Variants in DBNL observed in about 807,000 individuals in gnomAD.
The protein encoded by DBNL is drebrin like, also known as drebrin-like protein.
A neutral mutation model predicts 62.2 loss-of-function variants in DBNL; 35 were observed. The observed-to-expected ratio is 0.56, with a 90% CI of 0.43 to 0.75. The LOEUF is 0.75. Ranked by LOEUF, DBNL falls within the 30% of genes least tolerant of loss-of-function variation. The pLI, the probability that DBNL is intolerant of heterozygous loss-of-function variation, is 0.00. For synonymous variants in DBNL, 197 were observed against 218.0 expected, an observed-to-expected ratio of 0.90 and a Z score of 0.85; for missense variants, 495 against 578.4, an observed-to-expected ratio of 0.86 and a Z score of 1.48.
Position 44,065,736 on chromosome 7 carries a change from C to T in DBNL, c.*4820C>T. On this transcript the variant is annotated 3_prime_UTR_variant, in exon 13 of 13. Transcript: ENST00000448521. ...CCAAGAGGCTGTGCTTAAAATAGCCCCACGCATCCACCAGCTCCTGGCCTG... is the reference window on the plus strand; with the variant it reads ...CCAAGAGGCTGTGCTTAAAATAGCCTCACGCATCCACCAGCTCCTGGCCTG... 1 of 614,432 alleles carries T rather than the reference C, an allele frequency of 1.6e-6. No individual in the cohort carries two copies. The allele number at this position is 614,432 out of a possible 1,614,324, so 38.1% of individuals were successfully genotyped here.
intron 4 of DBNL, 116 bp downstream of exon 4, chr7:44,053,057 C>T: frequency 7.7e-7 from 1 of 1,306,724 alleles, no homozygotes; most frequent in Non-Finnish European, 1.1e-6. Flanking sequence ...GTGCTCATAG[C>T]TAATGCTCTC....
chr7:44,056,821 A>G lies in DBNL; in HGVS notation c.392A>G (p.Lys131Arg). ...EDVEPECIMEKVAKASGANYS... is the reference protein window; with the variant it reads ...EDVEPECIMERVAKASGANYS... ...GTGGAGCCTGAGTGCATCATGGAGA[A>G]GGTGGCCAAGGCTTCAGGTGCCAAC... The change falls in exon 5 of 13, where the codon AAG (lysine) becomes AGG (arginine). Residue 131 changes from lysine (K) to arginine (R), a missense_variant. Lys to Arg is a conservative substitution (Grantham distance 26, BLOSUM62 2). Coordinates refer to ENST00000448521, the MANE Select transcript of DBNL (RefSeq NM_001014436.3). The G allele has an allele frequency of 6.2e-7, 1 of 1,614,076 alleles. No homozygotes were observed. Among genetic ancestry groups the G allele is most frequent in the African/African-American group, 1.3e-5 (1 of 75,018 alleles).
Position 44,059,747 on chromosome 7 carries a change from C to CA in DBNL, c.1047+91dup, listed in dbSNP as rs1291845748. ...GCCGCCTGAGTTTTCTGGGGGCATGCAACAGGTTTTAAAGCACATGCATTT... is the reference window on the plus strand; with the variant it reads ...GCCGCCTGAGTTTTCTGGGGGCATGCAAACAGGTTTTAAAGCACATGCATTT... On this transcript the variant is annotated intron_variant, in intron 11 of 12. Coordinates refer to ENST00000448521, the MANE Select transcript of DBNL (RefSeq NM_001014436.3). This position sits in a 1 kb window ranked among gnomAD's most constrained non-coding sequence, Gnocchi z 4.1. 10 of 1,281,804 alleles carry CA rather than the reference C, an allele frequency of 7.8e-6. No homozygotes were observed. The highest frequency in any genetic ancestry group is 9.6e-6 in the Non-Finnish European group (9 of 934,470). 79.4% of individuals were successfully genotyped at this position (1,281,804 alleles called of 1,614,324 possible). A position where few individuals can be genotyped will look rare whatever the true frequency, so the allele number is the denominator to read the frequency against.
chr7:44,045,237 T>C (rs994808615), intron 1 of DBNL, among the ~76,000 whole-genome samples: 4 of 152,166 alleles, frequency 2.6e-5, no homozygotes, highest in African/African-American at 7.2e-5. Context: ...CGCCCGGTTT[T>C]TTTGCAAACG....
intron 4 of DBNL, 61 bp from the exon 5 acceptor site, chr7:44,056,696 G>A (rs2096137022): frequency 6.2e-7 from 1 of 1,608,470 alleles, no homozygotes; most frequent in African/African-American, 1.3e-5. Context: ...TGGACTGACA[G>A]GAGTTTGGCC....
Position 44,064,825 on chromosome 7 carries a change from G to A in DBNL, c.*3909G>A, listed in dbSNP as rs1487028942. The A allele has an allele frequency of 1.3e-6, 2 of 1,590,460 alleles. No homozygotes were observed. Among genetic ancestry groups the A allele is most frequent in the Non-Finnish European group, 1.7e-6 (2 of 1,167,774 alleles). ...CACCCTGCCCAGGCTCCTGAAGGTG[G>A]CCTCACCTTCCAGGTGCTTGACAAT... On this transcript the variant is annotated 3_prime_UTR_variant, in exon 13 of 13. Coordinates refer to ENST00000448521, the MANE Select transcript of DBNL (RefSeq NM_001014436.3).
chr7:44,060,852 G>A lies in DBNL; in HGVS notation c.1229G>A (p.Arg410His), dbSNP rs879876833. The change falls in exon 13 of 13, where the codon CGT becomes CAT. Residue 410 changes from arginine to histidine, a missense_variant. Physicochemically the swap from Arg to His is conservative, Grantham distance 29. Transcript: ENST00000448521. This position sits in a 1 kb window ranked among gnomAD's most constrained non-coding sequence, Gnocchi z 6.3. ...GIEVIDEGWW[R>H]GYGPDGHFGM... The stretch of plus-strand genomic sequence containing the variant: ...GAGGTGATCGACGAAGGCTGGTGGC[G>A]TGGCTATGGGCCGGATGGCCATTTT... 6.2e-6 allele frequency: 10 copies of A among 1,613,960 alleles called. No homozygotes were observed. The highest frequency in any genetic ancestry group is 2.7e-5 in the African/African-American group (2 of 74,912).
rs572746335 is a variant in DBNL at position 44,063,219 on chromosome 7, C to G, written c.*2303C>G. ...TAGTTCCCTCAGCCCAGTGTGACTC[C>G]AGCCAGACTGAAGTTGAGGGTCAGG... On this transcript the variant is annotated 3_prime_UTR_variant, in exon 13 of 13. Coordinates refer to ENST00000448521, the MANE Select transcript of DBNL (RefSeq NM_001014436.3). The G allele has an allele frequency of 2.1e-6, 1 of 481,178 alleles. No homozygotes were observed. Among genetic ancestry groups the G allele is most frequent in the Non-Finnish European group, 3.8e-6 (1 of 262,392 alleles). 29.8% of individuals were successfully genotyped at this position (481,178 alleles called of 1,614,324 possible). A position where few individuals can be genotyped will look rare whatever the true frequency, so the allele number is the denominator to read the frequency against.
At chr7:44,052,808 A>T in intron 3 of DBNL, 59 bp from the exon 4 acceptor site, 1 of 1,601,286 alleles carries the variant, frequency 6.2e-7, no homozygotes, top group Non-Finnish European at 8.5e-7. Context: ...TTGGGTCCCC[A>T]GGGAAGGGAA....
chr7:44,048,425 C>T (rs2096121021), intron 1 of DBNL, among the ~76,000 whole-genome samples: 1 of 152,256 alleles, frequency 6.6e-6, no homozygotes, highest in South Asian at 2.1e-4. Flanking sequence ...AGTTCCTTTT[C>T]TCTGAGTGTT....
At chr7:44,051,664 G>A (rs577567051) in intron 2 of DBNL, 166 bp from the exon 3 acceptor site, 2 of 607,142 alleles carry the variant, frequency 3.3e-6, no homozygotes, top group South Asian at 2.0e-5. Flanking sequence ...GTTTAGTGAG[G>A]GTGGTGCCCA....
chr7:44,047,993 T>G (rs2096120330), intron 1 of DBNL, among the ~76,000 whole-genome samples: 1 of 145,244 alleles, frequency 6.9e-6, no homozygotes, highest in Admixed American at 7.1e-5. Context: ...CTTGGCTCAC[T>G]GCAACCTCTG....
intron 5 of DBNL, 33 bp from the exon 6 acceptor site, chr7:44,057,749 G>A: frequency 6.2e-7 from 1 of 1,613,592 alleles, no homozygotes. Flanking sequence ...TTCCACCTGG[G>A]TCCAGGTCTC....
At position 44,065,074 on chromosome 7, in the gene DBNL, C is replaced by T. The variant is rs2096156909; in HGVS notation, c.*4158C>T. On this transcript the variant is annotated 3_prime_UTR_variant, in exon 13 of 13. Coordinates refer to ENST00000448521, the MANE Select transcript of DBNL (RefSeq NM_001014436.3). ...CAGTGGGCCCCCACCCGACTCCCCA[C>T]TCTGCAGCTTCCCAGAGGCCTTCCC... 6.2e-7 allele frequency: 1 copy of T among 1,612,106 alleles called. No homozygotes were observed. The highest frequency in any genetic ancestry group is 1.3e-5 in the African/African-American group (1 of 75,070).
At chr7:44,056,627 AG>A in intron 4 of DBNL, 129 bp from the exon 5 acceptor site, 2 of 1,302,672 alleles carry the variant, frequency 1.5e-6, no homozygotes, top group South Asian at 3.0e-5. Context: ...GCAGCCAGAC[AG>A]GTGCCTTCTA....
chr7:44,047,708 T>C (rs2096119829), intron 1 of DBNL, among the ~76,000 whole-genome samples: 2 of 152,196 alleles, frequency 1.3e-5, no homozygotes, highest in Admixed American at 1.3e-4. Flanking sequence ...TCCATATGCC[T>C]TGCTGTTCAG....
intron 1 of DBNL, among the ~76,000 whole-genome samples, chr7:44,045,203 C>T (rs1415691561): frequency 1.3e-5 from 2 of 152,216 alleles, no homozygotes; most frequent in African/African-American, 4.8e-5. Context: ...TCCTGCACAG[C>T]CCTCTCTGAG....
Position 44,060,584 on chromosome 7 carries a change from G to A in DBNL, c.1154-193G>A, listed in dbSNP as rs969699769. 6.6e-6 allele frequency among the ~76,000 whole-genome samples: 1 copy of A among 152,150 alleles called. No homozygotes were observed. The highest frequency in any genetic ancestry group is 2.4e-5 in the African/African-American group (1 of 41,418). ...CTGTAGGAGGGTATGCCCTGGGGGT[G>A]TGGTCACTGGAGCCGCATTGGGACA... On this transcript the variant is annotated intron_variant, in intron 12 of 12. Coordinates refer to ENST00000448521, the MANE Select transcript of DBNL (RefSeq NM_001014436.3). The surrounding 1 kb of genome is among the most constrained non-coding windows in gnomAD (Gnocchi z 6.3).
chr7:44,046,528 TGA>T (rs1387413100), intron 1 of DBNL, among the ~76,000 whole-genome samples: 12 of 152,154 alleles, frequency 7.9e-5, no homozygotes, highest in Admixed American at 6.5e-4. Context: ...CTGTCCCTCA[TGA>T]GGGTTGTGGA....
Sources: gnomAD v4.1 joint callset for allele counts (sites outside exome capture counted in the v4.1 genomes callset) on GRCh38, gnomAD v4.1.1 for gene constraint, Gnocchi (gnomAD v3.1) non-coding constraint, MANE v1.5 for transcripts, NCBI Gene and HGNC (gene_info 2026-07-23, HGNC 2026-07-21) for gene names.